TRABD2B: variants seen among roughly 807,000 people sequenced by gnomAD.
The protein encoded by TRABD2B is TraB domain containing 2B, also known as metalloprotease TIKI2.
TRABD2B carries 14 observed loss-of-function variants against 40.1 expected under a neutral mutation model. The ratio of observed to expected loss-of-function variants is 0.35; its 90% CI spans 0.23 to 0.55. TRABD2B has a LOEUF of 0.55. TRABD2B is among the 20% of genes least tolerant of loss of function. TRABD2B has a pLI of 0.90. For missense variants in TRABD2B, 541 were observed against 648.6 expected, an observed-to-expected ratio of 0.83 and a Z score of 1.80; for synonymous variants, 263 against 277.0, an observed-to-expected ratio of 0.95 and a Z score of 0.50.
intron 2 of TRABD2B, among the ~76,000 whole-genome samples, chr1:47,829,016 G>C (rs1182804289): frequency 6.6e-6 from 1 of 152,150 alleles, no homozygotes; most frequent in Non-Finnish European, 1.5e-5. Flanking sequence ...CTCATTTGAT[G>C]CCTACCCTGA....
intron 4 of TRABD2B, 54 bp downstream of exon 4, chr1:47,794,532 C>A: frequency 6.8e-7 from 1 of 1,466,578 alleles, no homozygotes; most frequent in South Asian, 1.4e-5. Context: ...AGGGGAGAGC[C>A]AAGCAAATCT....
At position 47,775,181 on chromosome 1, in the gene TRABD2B, G is replaced by A; in HGVS notation, c.1338C>T (p.Arg446=). The A allele has an allele frequency of 1.6e-6, 2 of 1,235,788 alleles. No homozygotes were observed. Among genetic ancestry groups the A allele is most frequent in the Non-Finnish European group, 2.0e-6 (2 of 989,390 alleles). 76.6% of individuals were successfully genotyped at this position (1,235,788 alleles called of 1,614,324 possible). The change falls in exon 6 of 7, where the codon CGC becomes CGT. Residue 446 remains arginine (R), a synonymous_variant. Transcript: ENST00000606738. ...RPRQFNDLWV[R]IEDSTTASPP... is the part of the protein sequence containing the mutation. ...CCTCCCTGGCTCACCTGTCCTCGAT[G>A]CGGACCCAGAGGTCATTGAACTGCC...
intron 2 of TRABD2B, among the ~76,000 whole-genome samples, chr1:47,955,636 C>T (rs546985841): frequency 6.6e-6 from 1 of 152,274 alleles, no homozygotes; most frequent in Non-Finnish European, 1.5e-5. Flanking sequence ...CTTCCTCTGC[C>T]TGGAATTTCT....
intron 3 of TRABD2B, 30 bp downstream of exon 3, chr1:47,801,443 G>A (rs901692606): frequency 6.5e-7 from 1 of 1,530,066 alleles, no homozygotes; most frequent in Non-Finnish European, 8.8e-7. Context: ...ATAAATGCCA[G>A]GTATCCAGGT....
chr1:47,993,975 G>T lies in TRABD2B; in HGVS notation c.666+59C>A. 2.1e-6 allele frequency: 3 copies of T among 1,452,436 alleles called. No individual in the cohort carries two copies. The East Asian group carries it at 7.5e-5, about 36-fold the overall frequency. The allele number at this position is 1,452,436 out of a possible 1,614,324, so 90.0% of individuals were successfully genotyped here. On this transcript the variant is annotated intron_variant, in intron 2 of 6. Transcript: ENST00000606738. Reference sequence around the variant, plus strand: ...CCCCCTCGGAGAAGAAAGACAATCAGAGAAGAGGACCCAGGTACCCAGGGC... The same window carrying T: ...CCCCCTCGGAGAAGAAAGACAATCATAGAAGAGGACCCAGGTACCCAGGGC...
intron 2 of TRABD2B, among the ~76,000 whole-genome samples, chr1:47,816,203 CG>C: frequency 6.6e-6 from 1 of 152,278 alleles, no homozygotes; most frequent in African/African-American, 2.4e-5. Flanking sequence ...CCCTGGGGCC[CG>C]GGGTCTGGGC....
chr1:47,794,319 C>T (rs1207413751), intron 4 of TRABD2B, among the ~76,000 whole-genome samples: 4 of 152,170 alleles, frequency 2.6e-5, no homozygotes, highest in Non-Finnish European at 5.9e-5. Flanking sequence ...TCTCACATGG[C>T]TGCCTGGGGG....
At position 47,996,638 on chromosome 1, in the gene TRABD2B, A is replaced by C; in HGVS notation, c.102+50T>G. ...AGGACCCAAACCATGGTCCCACGGG[A>C]CTAGAATACCCAGGCAGGCGGGAGA... On this transcript the variant is annotated intron_variant, in intron 1 of 6. Transcript: ENST00000606738. This position sits in a 1 kb window ranked among gnomAD's most constrained non-coding sequence, Gnocchi z 4.6. 6 of 1,222,576 alleles carry C rather than the reference A, an allele frequency of 4.9e-6. No homozygotes were observed. Among genetic ancestry groups the C allele is most frequent in the Non-Finnish European group, 6.1e-6 (6 of 980,812 alleles). 75.7% of individuals were successfully genotyped at this position (1,222,576 alleles called of 1,614,324 possible).
chr1:47,819,842 C>T (rs1645082259), intron 2 of TRABD2B: 1 of 152,128 alleles, frequency 6.6e-6, no homozygotes. Context: ...ACAGTTGCAT[C>T]CAATATAGGA....
chr1:47,940,075 C>G (rs1162276027), intron 2 of TRABD2B, among the ~76,000 whole-genome samples: 3 of 152,342 alleles, frequency 2.0e-5, no homozygotes, highest in African/African-American at 7.2e-5. Context: ...CTTTATTAAG[C>G]TTCTCCCTGG....
At chr1:47,791,361 T>A (rs1379467517) in intron 4 of TRABD2B, among the ~76,000 whole-genome samples, 2 of 151,872 alleles carry the variant, frequency 1.3e-5, no homozygotes, top group Non-Finnish European at 2.9e-5. Flanking sequence ...TTGGTGGGGG[T>A]CATATGTTTC....
At chr1:47,946,107 C>G (rs1645256728) in intron 2 of TRABD2B, among the ~76,000 whole-genome samples, 1 of 152,180 alleles carries the variant, frequency 6.6e-6, no homozygotes, top group Non-Finnish European at 1.5e-5. Flanking sequence ...TAGTACTCCA[C>G]TGTACTTTTA....
chr1:47,939,533 G>C (rs76401074), intron 2 of TRABD2B, among the ~76,000 whole-genome samples: 3,551 of 152,204 alleles, frequency 0.023, 109 homozygotes, highest in Admixed American at 0.09. Context: ...TTCTCTTTTA[G>C]TCCTCTCAAC....
chr1:47,771,903 C>A lies in TRABD2B; in HGVS notation c.1349+3267G>T, dbSNP rs191527258. On this transcript the variant is annotated intron_variant, in intron 6 of 6. Coordinates refer to ENST00000606738, the MANE Select transcript of TRABD2B (RefSeq NM_001194986.2). ...TGTTCCAGGTGGCATCCGGGACAGG[C>A]ACTCCAGGCGCGTCCCTGGCTCACT... Among the ~76,000 whole-genome samples the A allele has an allele frequency of 9.7e-4, 147 of 152,320 alleles. 1 individual carries two copies. The highest frequency in any genetic ancestry group is 3.3e-3 in the African/African-American group (136 of 41,562).
At chr1:47,820,780 C>T (rs895497044) in intron 2 of TRABD2B, among the ~76,000 whole-genome samples, 1 of 82,096 alleles carries the variant, frequency 1.2e-5, no homozygotes, top group Non-Finnish European at 2.3e-5. Flanking sequence ...AGTTCACACA[C>T]ACCACACACA....
chr1:47,993,998 G>A (rs1646051115), intron 2 of TRABD2B, 36 bp downstream of exon 2: 5 of 1,510,700 alleles, frequency 3.3e-6, no homozygotes, highest in Non-Finnish European at 4.4e-6. Context: ...AGGTACCCAG[G>A]GCTGTCAGCT....
In TRABD2B at chr1:47,994,613, A is replaced by C; in HGVS notation, c.103-16T>G. 6.5e-7 allele frequency: 1 copy of C among 1,529,378 alleles called. No homozygotes were observed. 94.7% of individuals were successfully genotyped at this position (1,529,378 alleles called of 1,614,324 possible). On this transcript the variant is annotated splice_polypyrimidine_tract_variant and intron_variant, in intron 1 of 6. Transcript: ENST00000606738. This position sits in a 1 kb window ranked among gnomAD's most constrained non-coding sequence, Gnocchi z 6.7. Reference sequence around the variant, plus strand: ...AGTCCCTCTGCTGCAGGAGTAGAGAAGAGGCAAGGCAGTGAGGCCGAAGGC... The same window carrying C: ...AGTCCCTCTGCTGCAGGAGTAGAGACGAGGCAAGGCAGTGAGGCCGAAGGC...
chr1:47,839,236 A>G (rs1311411958), intron 2 of TRABD2B, among the ~76,000 whole-genome samples: 1 of 152,142 alleles, frequency 6.6e-6, no homozygotes, highest in Non-Finnish European at 1.5e-5. Context: ...ACTACTGCAT[A>G]AAGGCCAGGG....
intron 6 of TRABD2B, among the ~76,000 whole-genome samples, chr1:47,767,753 C>G (rs545985178): frequency 1.4e-4 from 21 of 152,226 alleles, no homozygotes; most frequent in Admixed American, 5.9e-4. Context: ...CTGCAGCATG[C>G]GTGCCTTCCT....
Sources: gnomAD v4.1 joint callset for allele counts (sites outside exome capture counted in the v4.1 genomes callset) on GRCh38, gnomAD v4.1.1 for gene constraint, Gnocchi (gnomAD v3.1) non-coding constraint, MANE v1.5 for transcripts, NCBI Gene and HGNC (gene_info 2026-07-23, HGNC 2026-07-21) for gene names.